The following GALK1 variants were observed in gnomAD, a reference collection of about 807,000 sequenced individuals.
The protein encoded by GALK1 is galactokinase 1.
Under a neutral mutation model 38.6 loss-of-function variants are expected in GALK1, and 30 were observed. The observed-to-expected ratio is 0.78, with a 90% CI of 0.58 to 1.05. GALK1 has a LOEUF of 1.05. Among genes scored for constraint, GALK1 ranks in the 50% least tolerant of loss-of-function variants. The pLI is 0.00. For synonymous variants in GALK1, 240 were observed against 233.6 expected (o/e 1.03, Z -0.25); for missense variants, 512 against 540.5 (o/e 0.95, Z 0.52).
Position 75,758,204 on chromosome 17 carries a change from G to T in GALK1, c.1107+6C>A. The stretch of plus-strand genomic sequence containing the variant: ...CCTGCCCGCCCAGGCCCTGGTGCCC[G>T]CCCACCTGGATGTGCCGCATGGCGT... On this transcript the variant is annotated splice_donor_region_variant and intron_variant, in intron 7 of 7. Transcript: ENST00000588479. The T allele has an allele frequency of 6.2e-7, 1 of 1,606,984 alleles. No individual in the cohort carries two copies. The highest frequency in any genetic ancestry group is 8.5e-7 in the Non-Finnish European group (1 of 1,177,624).
At chr17:75,754,576 A>C (rs1422415555), downstream of GALK1, 1 of 1,613,492 alleles carries the variant, frequency 6.2e-7, no homozygotes, top group African/African-American at 1.3e-5. Context: ...CCCCCTGCAG[A>C]GCACCTGGTG....
downstream of GALK1, chr17:75,753,932 G>A: frequency 3.1e-6 from 4 of 1,283,066 alleles, no homozygotes; most frequent in Non-Finnish European, 2.9e-6. Flanking sequence ...GGGCGGGAAG[G>A]GCGGCAGCCT....
chr17:75,762,650 G>A (rs780900065), intron 5 of GALK1, 54 bp downstream of exon 5: 16 of 1,596,100 alleles, frequency 1.0e-5, no homozygotes, highest in Non-Finnish European at 1.4e-5. Context: ...CCACACTGAG[G>A]CGCCAGCAGG....
At chr17:75,754,446 G>T, downstream of GALK1, 1 of 1,183,314 alleles carries the variant, frequency 8.5e-7, no homozygotes, top group Admixed American at 1.8e-5. Context: ...AGTGGTTTGA[G>T]GGAAACTGGT....
downstream of GALK1, chr17:75,755,046 C>T: frequency 1.3e-6 from 2 of 1,592,480 alleles, no homozygotes; most frequent in Non-Finnish European, 8.6e-7. Context: ...TTGTTTTGTC[C>T]TGCCCTAGGC....
At chr17:75,756,633 C>A, downstream of GALK1, 2 of 1,612,894 alleles carry the variant, frequency 1.2e-6, no homozygotes, top group Non-Finnish European at 1.7e-6. Context: ...TTGCCTCCCC[C>A]AGCCCCAGAG....
At chr17:75,758,395 G>A in intron 6 of GALK1, 23 bp from the exon 7 acceptor site, 1 of 1,581,960 alleles carries the variant, frequency 6.3e-7, no homozygotes, top group Non-Finnish European at 8.6e-7. Flanking sequence ...TATTGAAGGG[G>A]TGGGCCTGGG....
intron 5 of GALK1, 30 bp downstream of exon 5, chr17:75,762,668 GCCGCCT>G: frequency 1.2e-6 from 2 of 1,610,782 alleles, no homozygotes; most frequent in Non-Finnish European, 1.7e-6. Context: ...AGGGAGCACA[GCCGCCT>G]CCAGGATAGA....
At chr17:75,756,935 C>G (rs746207956), downstream of GALK1, 1 of 1,612,450 alleles carries the variant, frequency 6.2e-7, no homozygotes, top group Non-Finnish European at 8.5e-7. Context: ...GGCATCTTCC[C>G]TGCTCAGGGC....
At position 75,758,230 on chromosome 17, in the gene GALK1, G is replaced by T; in HGVS notation, c.1087C>A (p.His363Asn). Residue 363 changes from histidine (H) to asparagine (N), a missense_variant, in exon 7 of 8, where the codon CAC becomes AAC. By Grantham distance (68) the His-to-Asn change is moderately conservative. Transcript: ENST00000588479. ...VTLLEASAAP[H>N]AMRHIQEHYG... ...CCCACCTGGATGTGCCGCATGGCGT[G>T]GGGAGCAGCGGAGGCCTCCAGCAGT... The T allele has an allele frequency of 6.2e-7, 1 of 1,603,770 alleles. No homozygotes were observed.
Position 75,758,143 on chromosome 17 carries a change from T to G in GALK1, c.1108-16A>C. 6.2e-7 allele frequency: 1 copy of G among 1,612,276 alleles called. No homozygotes were observed. The highest frequency in any genetic ancestry group is 8.5e-7 in the Non-Finnish European group (1 of 1,179,798). ...CGTAGTGCTCCTGTAAGAGGCGGGC[T>G]GGGGGTGAGTGGCAGGGCCCCGGGA... On this transcript the variant is annotated splice_polypyrimidine_tract_variant and intron_variant, in intron 7 of 7. Coordinates refer to ENST00000588479, the MANE Select transcript of GALK1 (RefSeq NM_000154.2).
downstream of GALK1, chr17:75,757,077 G>A (rs1182343771): frequency 6.2e-7 from 1 of 1,612,904 alleles, no homozygotes; most frequent in Non-Finnish European, 8.5e-7. Flanking sequence ...AGAGCGCGAG[G>A]GCATCATCAC....
rs532471799 is a variant in GALK1 at position 75,758,514 on chromosome 17, G to A, written c.879C>T (p.Ala293=). ...CTCTGTAGTCGCCACGTCTCAGGGCGGCCGCTGCCTGGGCCGTGCGCCGAA... is the reference window on the plus strand; with the variant it reads ...CTCTGTAGTCGCCACGTCTCAGGGCAGCCGCTGCCTGGGCCGTGCGCCGAA... The part of the protein sequence containing the change: ...GEIRRTAQAA[A]ALRRGDYRAF... The change falls in exon 6 of 8, where the codon GCC becomes GCT. Residue 293 remains alanine, a synonymous_variant. Transcript: ENST00000588479. 1.1e-5 allele frequency: 18 copies of A among 1,582,238 alleles called. No homozygotes were observed. The highest frequency in any genetic ancestry group is 1.7e-4 in the Middle Eastern group (1 of 6,024).
intron 8 of GALK1, chr17:75,752,680 T>C: frequency 1.4e-6 from 2 of 1,472,660 alleles, no homozygotes; most frequent in Non-Finnish European, 1.9e-6. Flanking sequence ...CTAGAGGACA[T>C]GGAGGTTAAG....
At chr17:75,761,993 A>C (rs1480953171) in intron 5 of GALK1, among the ~76,000 whole-genome samples, 1 of 152,054 alleles carries the variant, frequency 6.6e-6, no homozygotes, top group Admixed American at 6.6e-5. Flanking sequence ...GCACTCCAGC[A>C]TGGGTGACAA....
rs1599336859 is a variant in GALK1, at chr17:75,764,987, G to A, written c.150C>T (p.Gly50=). The A allele has an allele frequency of 1.2e-6, 2 of 1,609,908 alleles. No individual in the cohort carries two copies. The highest frequency in any genetic ancestry group is 1.1e-5 in the South Asian group (1 of 90,686). The change falls in exon 1 of 8, where the codon GGC becomes GGT. Residue 50 remains glycine (G), a synonymous_variant. Transcript: ENST00000588479. The part of the protein sequence containing the change: ...LIGEHTDYNQ[G]LVLPMALELM... ...AGCCCCTCACCATAGGCAGCACCAG[G>A]CCCTGGTTGTAGTCCGTGTGTTCCC...
At chr17:75,763,687 G>A (rs1379829382) in intron 2 of GALK1, 2 of 696,634 alleles carry the variant, frequency 2.9e-6, no homozygotes, top group Admixed American at 4.8e-5. Context: ...AAAAAGGCTG[G>A]GGTTCAAATC....
chr17:75,754,266 G>A (rs772747946), downstream of GALK1, among the ~76,000 whole-genome samples: 1 of 152,188 alleles, frequency 6.6e-6, no homozygotes, highest in Non-Finnish European at 1.5e-5. Flanking sequence ...AAGGACAGGA[G>A]GGAAGGCTTG....
chr17:75,760,508 G>A (rs1268758925), intron 5 of GALK1, among the ~76,000 whole-genome samples: 1 of 149,008 alleles, frequency 6.7e-6, no homozygotes, highest in Admixed American at 6.7e-5. Context: ...GCCTGTGCCT[G>A]TAATCCCAGC....
Sources: gnomAD v4.1 joint callset for allele counts (sites outside exome capture counted in the v4.1 genomes callset) on GRCh38, gnomAD v4.1.1 for gene constraint, MANE v1.5 for transcripts, NCBI Gene and HGNC (gene_info 2026-07-23, HGNC 2026-07-21) for gene names.